The following CNOT6L variants were observed in gnomAD, a reference collection of about 807,000 sequenced individuals.
The protein encoded by CNOT6L is CCR4-NOT transcription complex subunit 6-like.
A neutral mutation model predicts 64.0 loss-of-function variants in CNOT6L; 7 were observed. The ratio of observed to expected loss-of-function variants is 0.11; its 90% confidence interval spans 0.06 to 0.21. CNOT6L has a LOEUF of 0.21. CNOT6L is among the 10% of genes least tolerant of loss of function. The pLI is 1.00. For synonymous variants in CNOT6L, 193 were observed against 243.4 expected (o/e 0.79, Z 1.93); for missense variants, 245 against 669.0 (o/e 0.37, Z 6.99).
At chr4:77,755,316 A>T (rs1389792644) in intron 5 of CNOT6L, among the ~76,000 whole-genome samples, 1 of 131,172 alleles carries the variant, frequency 7.6e-6, no homozygotes, top group Non-Finnish European at 1.5e-5. Flanking sequence ...TCTCGGGTTC[A>T]AGCGATTCTC....
At position 77,760,197 on chromosome 4, in the gene CNOT6L, A is replaced by AC. The variant is rs991004114; in HGVS notation, c.401-3247dup. ...AGACCAGCCTGGGCAACATGGTGAG[A>AC]CCCCCATCTCTACAAACAAAAAAAA... On this transcript the variant is annotated intron_variant, in intron 4 of 11. Coordinates refer to ENST00000504123, the MANE Select transcript of CNOT6L (RefSeq NM_144571.3). Among the ~76,000 whole-genome samples, 8 of 151,856 alleles carry AC rather than the reference A, an allele frequency of 5.3e-5. No individual in the cohort carries two copies. In the East Asian group the frequency reaches 5.8e-4, roughly 11 times the overall value.
chr4:77,812,330 C>A (rs1733038714), intron 1 of CNOT6L, among the ~76,000 whole-genome samples: 2 of 150,924 alleles, frequency 1.3e-5, no homozygotes, highest in South Asian at 2.1e-4. Context: ...CCCAGCTGCT[C>A]AGGAAGCTGA....
intron 10 of CNOT6L, among the ~76,000 whole-genome samples, chr4:77,728,354 TC>T (rs1722099408): frequency 6.6e-6 from 1 of 152,172 alleles, no homozygotes. Flanking sequence ...CAACTGCAAA[TC>T]CCTCCCCGCT....
intron 7 of CNOT6L, among the ~76,000 whole-genome samples, chr4:77,744,084 T>C (rs1489207156): frequency 2.6e-5 from 4 of 152,226 alleles, no homozygotes; most frequent in Non-Finnish European, 5.9e-5. Context: ...GCACTTAATA[T>C]GTTTTGAAAG....
At position 77,790,938 on chromosome 4, in the gene CNOT6L, G is replaced by C. The variant is rs112755515; in HGVS notation, c.6-14546C>G. Among the ~76,000 whole-genome samples the C allele has an allele frequency of 5.3e-3, 799 of 151,692 alleles. 7 individuals carry two copies. Among genetic ancestry groups the C allele is most frequent in the African/African-American group, 0.018 (752 of 41,364 alleles). ...GCTTTCCAAAGTGCTGGGATTACAG[G>C]CATGATGAGCCACTGTGCCCAGCCA... On this transcript the variant is annotated intron_variant, in intron 1 of 11. Transcript: ENST00000504123.
At chr4:77,815,993 G>A (rs1029367927) in intron 1 of CNOT6L, among the ~76,000 whole-genome samples, 2 of 152,162 alleles carry the variant, frequency 1.3e-5, no homozygotes, top group Non-Finnish European at 2.9e-5. Flanking sequence ...ATTACCCAAA[G>A]TAATACATAC....
intron 8 of CNOT6L, chr4:77,731,852 A>C: frequency 4.6e-6 from 1 of 216,952 alleles, no homozygotes; most frequent in Non-Finnish European, 9.0e-6. Flanking sequence ...ACCTTCTAAA[A>C]ATGGGGAAGC....
intron 4 of CNOT6L, among the ~76,000 whole-genome samples, chr4:77,769,753 T>A (rs571129993): frequency 3.9e-5 from 6 of 152,228 alleles, no homozygotes; most frequent in African/African-American, 1.4e-4. Context: ...TAAAACAAAT[T>A]TACAAAGTAA....
At chr4:77,755,247 T>G (rs960338574) in intron 5 of CNOT6L, among the ~76,000 whole-genome samples, 5 of 133,796 alleles carry the variant, frequency 3.7e-5, no homozygotes, top group South Asian at 2.6e-4. Context: ...TTTTTTTTTT[T>G]TTTTTTTTTT....
rs1261742342 is a variant in CNOT6L, at chr4:77,719,512, C to A, written c.*919G>T. ...TTTTTATTCAGCAGACTTTTTTCTT[C>A]TTTTAACATTTGACTATAATGGCAA... On this transcript the variant is annotated 3_prime_UTR_variant, in exon 12 of 12. Coordinates refer to ENST00000504123, the MANE Select transcript of CNOT6L (RefSeq NM_144571.3). 1 of 152,474 alleles carries A rather than the reference C, an allele frequency of 6.6e-6. No individual in the cohort carries two copies. The highest frequency in any genetic ancestry group is 2.4e-5 in the African/African-American group (1 of 41,438). 9.4% of individuals were successfully genotyped at this position (152,474 alleles called of 1,614,324 possible). A position where few individuals can be genotyped will look rare whatever the true frequency, so the allele number is the denominator to read the frequency against.
chr4:77,728,981 G>C lies in CNOT6L; in HGVS notation c.1125C>G (p.Thr375=), dbSNP rs1163949533. 6.2e-7 allele frequency: 1 copy of C among 1,613,660 alleles called. No homozygotes were observed. The highest frequency in any genetic ancestry group is 1.7e-5 in the Admixed American group (1 of 60,012). Residue 375 remains threonine (T), a synonymous_variant, in exon 10 of 12, where the codon ACC becomes ACG. Coordinates refer to ENST00000504123, the MANE Select transcript of CNOT6L (RefSeq NM_144571.3). ...TTTTAACCTCTGAGACAAACATCAT[G>C]GTCTGGATGAGCTTCACATCAGAAT... ...PEYSDVKLIQ[T]MMFVSEVKNI...
intron 4 of CNOT6L, among the ~76,000 whole-genome samples, chr4:77,765,213 T>C (rs1348945935): frequency 6.6e-6 from 1 of 151,362 alleles, no homozygotes; most frequent in Non-Finnish European, 1.5e-5. Flanking sequence ...TTACCCTATA[T>C]GGTCGAAAAA....
Position 77,726,175 on chromosome 4 carries a change from C to A in CNOT6L, c.1447G>T (p.Asp483Tyr). Residue 483 changes from aspartate (D) to tyrosine (Y), a missense_variant, in exon 11 of 12, where the codon GAT becomes TAT. Coordinates refer to ENST00000504123, the MANE Select transcript of CNOT6L (RefSeq NM_144571.3). ...CAAAGGCTGCCACTCACTTTGAAAT[C>A]AAAGGTGTAATTGGTGTAAGGCATC... ...NLMPYTNYTF[D>Y]FKGVIDYIFY... The A allele has an allele frequency of 1.2e-6, 2 of 1,613,682 alleles. No individual in the cohort carries two copies. The highest frequency in any genetic ancestry group is 1.1e-5 in the South Asian group (1 of 91,072).
At position 77,720,641 on chromosome 4, in the gene CNOT6L, G is replaced by C. The variant is rs370784619; in HGVS notation, c.1458C>G (p.Gly486=). 3.1e-6 allele frequency: 5 copies of C among 1,612,730 alleles called. No homozygotes were observed. The highest frequency in any genetic ancestry group is 3.3e-5 in the Admixed American group (2 of 59,944). The change falls in exon 12 of 12, where the codon GGC becomes GGG. Residue 486 remains glycine (G), a splice_region_variant and synonymous_variant. Transcript: ENST00000504123. ...PYTNYTFDFK[G]VIDYIFYSKT... ...TGGAATAGAAAATGTAGTCAATCAC[G>C]CCCTGGAAAGAGATTGGGAATAGGA...
At chr4:77,729,641 G>A (rs977602908) in intron 9 of CNOT6L, among the ~76,000 whole-genome samples, 12 of 152,076 alleles carry the variant, frequency 7.9e-5, no homozygotes, top group African/African-American at 2.2e-4. Flanking sequence ...GTCTGGACAC[G>A]TGGGTTTTAG....
At chr4:77,818,681 C>G (rs896098432) in intron 1 of CNOT6L, among the ~76,000 whole-genome samples, 2 of 152,092 alleles carry the variant, frequency 1.3e-5, no homozygotes, top group South Asian at 2.1e-4. Context: ...GACGCGGAGG[C>G]GGCCACGGCG....
intron 2 of CNOT6L, among the ~76,000 whole-genome samples, chr4:77,775,193 C>T (rs1181829884): frequency 6.6e-6 from 1 of 152,130 alleles, no homozygotes; most frequent in African/African-American, 2.4e-5. Context: ...GGCTAAGAAA[C>T]CCTAGATTAA....
At chr4:77,782,970 G>C (rs966172440) in intron 1 of CNOT6L, among the ~76,000 whole-genome samples, 1 of 151,888 alleles carries the variant, frequency 6.6e-6, no homozygotes. Flanking sequence ...GATGCCCTGG[G>C]ATAAAGAACA....
intron 1 of CNOT6L, among the ~76,000 whole-genome samples, chr4:77,806,045 A>G (rs1732179623): frequency 6.6e-6 from 1 of 152,140 alleles, no homozygotes; most frequent in East Asian, 1.9e-4. Context: ...TTATCACTTT[A>G]TATTTTAACT....
Sources: gnomAD v4.1 joint callset for allele counts (sites outside exome capture counted in the v4.1 genomes callset) on GRCh38, gnomAD v4.1.1 for gene constraint, MANE v1.5 for transcripts, NCBI Gene and HGNC (gene_info 2026-07-23, HGNC 2026-07-21) for gene names.